The following TMX2 variants were observed in gnomAD, a reference collection of about 807,000 sequenced individuals.
TMX2 encodes thioredoxin-related transmembrane protein 2.
A neutral mutation model predicts 33.4 loss-of-function variants in TMX2; 20 were observed. The observed-to-expected ratio is 0.60, with a 90% CI of 0.42 to 0.87. TMX2 has a LOEUF of 0.87. TMX2 is among the 40% of genes least tolerant of loss of function. The pLI is 0.00. For missense variants in TMX2, 340 were observed against 370.7 expected (o/e 0.92, Z 0.68); for synonymous variants, 166 against 140.7 (o/e 1.18, Z -1.27).
intron 1 of TMX2, among the ~76,000 whole-genome samples, chr11:57,730,670 G>A (rs2135574348): frequency 6.6e-6 from 1 of 152,082 alleles, no homozygotes; most frequent in Non-Finnish European, 1.5e-5. Context: ...CCCAGGAGGC[G>A]GAGGTTGCAG....
At position 57,713,151 on chromosome 11, in the gene TMX2, C is replaced by G. The variant is rs576859; in HGVS notation, c.189+344C>G. On this transcript the variant is annotated intron_variant, in intron 1 of 7. Coordinates refer to ENST00000278422, the MANE Select transcript of TMX2 (RefSeq NM_015959.4). ...TTACAGTGCCGCTCATTATGTAAAGCCTCCTGAGGAGCCAGTAAGGTAGAC... is the reference window on the plus strand; with the variant it reads ...TTACAGTGCCGCTCATTATGTAAAGGCTCCTGAGGAGCCAGTAAGGTAGAC... 1.6e-3 allele frequency among the ~76,000 whole-genome samples: 246 copies of G among 152,058 alleles called. 1 individual carries two copies. Among genetic ancestry groups the G allele is most frequent in the Admixed American group, 2.6e-3 (40 of 15,290 alleles).
intron 1 of TMX2, among the ~76,000 whole-genome samples, chr11:57,714,652 GATGTGATC>G (rs2135444173): frequency 1.3e-5 from 2 of 152,206 alleles, no homozygotes; most frequent in East Asian, 3.9e-4. Flanking sequence ...GGAGTGCAGT[GATGTGATC>G]ATGGCTCACT....
chr11:57,716,437 G>T (rs1397164936), intron 1 of TMX2, among the ~76,000 whole-genome samples: 25 of 128,206 alleles, frequency 1.9e-4, no homozygotes, highest in Middle Eastern at 4.7e-3. Flanking sequence ...TGGCCGGGCG[G>T]GGGGCTGACC....
At chr11:57,718,689 T>C (rs1947346840) in intron 1 of TMX2, among the ~76,000 whole-genome samples, 1 of 135,082 alleles carries the variant, frequency 7.4e-6, no homozygotes, top group Admixed American at 7.9e-5. Flanking sequence ...GGAGTCTCAC[T>C]CTGTTGCCCA....
chr11:57,718,486 G>A (rs1395405859), intron 1 of TMX2: 1 of 885,936 alleles, frequency 1.1e-6, no homozygotes, highest in Non-Finnish European at 1.9e-6. Context: ...TGCGGCCCAG[G>A]GGCTCACCAT....
At chr11:57,728,121 A>G (rs764390080) in intron 1 of TMX2, among the ~76,000 whole-genome samples, 1 of 151,980 alleles carries the variant, frequency 6.6e-6, no homozygotes, top group Non-Finnish European at 1.5e-5. Context: ...ATGGTCACTC[A>G]TATTTGGCTC....
At chr11:57,718,343 A>G (rs1947316844) in intron 1 of TMX2, 1 of 1,537,706 alleles carries the variant, frequency 6.5e-7, no homozygotes, top group Non-Finnish European at 9.0e-7. Context: ...TGAAGTCACC[A>G]CCTGATACAT....
At chr11:57,731,282 C>T (rs1031045669) in intron 1 of TMX2, among the ~76,000 whole-genome samples, 6 of 151,076 alleles carry the variant, frequency 4.0e-5, no homozygotes, top group African/African-American at 9.7e-5. Context: ...TACAAGCATG[C>T]GCCACTGCAC....
intron 1 of TMX2, among the ~76,000 whole-genome samples, chr11:57,728,887 T>G (rs1404723544): frequency 1.3e-5 from 2 of 151,514 alleles, no homozygotes; most frequent in Non-Finnish European, 2.9e-5. Context: ...TAGGGATTAA[T>G]CCCCAAAAAC....
intron 1 of TMX2, among the ~76,000 whole-genome samples, chr11:57,720,675 G>A (rs1357223009): frequency 1.3e-5 from 2 of 152,244 alleles, no homozygotes; most frequent in African/African-American, 4.8e-5. Context: ...TGGGATTACA[G>A]GCGTGAGCCA....
chr11:57,739,491 C>G (rs1028669301), intron 7 of TMX2, among the ~76,000 whole-genome samples: 19 of 152,170 alleles, frequency 1.2e-4, no homozygotes, highest in African/African-American at 4.6e-4. Context: ...GGCACGGTGG[C>G]TCACGCCTGT....
intron 1 of TMX2, among the ~76,000 whole-genome samples, chr11:57,716,882 C>T (rs865854648): frequency 7.9e-5 from 12 of 151,128 alleles, no homozygotes; most frequent in Middle Eastern, 6.8e-3. Context: ...GGCTGCCGGG[C>T]GGAGACGCTC....
In TMX2 at chr11:57,740,105, G is replaced by A; in HGVS notation, c.751G>A (p.Val251Met). ...GTGCATCTCTTTTGTGCAGGAGAAT[G>A]TGATCCGAGAATTTAACTTAAATGA... ...AVSWTFSEEN[V>M]IREFNLNELY... The change falls in exon 8 of 8, where the codon GTG becomes ATG. Residue 251 changes from valine (V) to methionine (M), a missense_variant. Around this residue, in one of 3 missense-constraint regions of TMX2, gnomAD observed 209 missense variants for 241.6 expected, o/e 0.87. Transcript: ENST00000278422. 6.2e-7 allele frequency: 1 copy of A among 1,613,940 alleles called. No individual in the cohort carries two copies. Among genetic ancestry groups the A allele is most frequent in the Non-Finnish European group, 8.5e-7 (1 of 1,179,878 alleles).
intron 1 of TMX2, among the ~76,000 whole-genome samples, chr11:57,714,593 G>T (rs1946855279): frequency 6.6e-6 from 1 of 151,902 alleles, no homozygotes; most frequent in Non-Finnish European, 1.5e-5. Flanking sequence ...AGGGTTTTTA[G>T]TTTTTTGGAT....
At chr11:57,720,134 CAAA>C (rs59914635) in intron 1 of TMX2, among the ~76,000 whole-genome samples, 13 of 128,134 alleles carry the variant, frequency 1.0e-4, no homozygotes, top group African/African-American at 1.5e-4. Context: ...ACTAAAAATA[CAAA>C]AAAAAAAAAA....
chr11:57,720,867 A>G (rs1590922477), intron 1 of TMX2, among the ~76,000 whole-genome samples: 1 of 152,298 alleles, frequency 6.6e-6, no homozygotes, highest in East Asian at 1.9e-4. Context: ...CCTTCAGGGG[A>G]TCCAAAACAA....
chr11:57,734,750 C>CA (rs1270263873), intron 1 of TMX2, among the ~76,000 whole-genome samples: 32 of 150,732 alleles, frequency 2.1e-4, no homozygotes, highest in Non-Finnish European at 4.0e-4. Flanking sequence ...TCCTCCATCT[C>CA]AAAAAAAATA....
At chr11:57,738,558 G>A in intron 4 of TMX2, 106 bp from the exon 5 acceptor site, 2 of 1,240,260 alleles carry the variant, frequency 1.6e-6, no homozygotes, top group Non-Finnish European at 2.4e-6. Flanking sequence ...TTCATTATGA[G>A]AGCCGGGGGA....
rs566925244 is a variant in TMX2 at position 57,735,209 on chromosome 11, T to G, written c.190-2399T>G. Reference sequence around the variant, plus strand: ...TCTGTCATGCTCCCTCACCCCTATTTTCTTTTCTTTTTTTTTTGAGACGTT... The same window carrying G: ...TCTGTCATGCTCCCTCACCCCTATTGTCTTTTCTTTTTTTTTTGAGACGTT... On this transcript the variant is annotated intron_variant, in intron 1 of 7. Coordinates refer to ENST00000278422, the MANE Select transcript of TMX2 (RefSeq NM_015959.4). 6.6e-5 allele frequency among the ~76,000 whole-genome samples: 10 copies of G among 152,090 alleles called. No homozygotes were observed. In the South Asian group the frequency reaches 1.9e-3, roughly 28 times the overall value.
Sources: allele counts gnomAD v4.1 joint callset (sites outside exome capture counted in the v4.1 genomes callset), GRCh38; gene constraint gnomAD v4.1.1; regional missense constraint gnomAD v4.1.1; transcripts MANE v1.5; gene names NCBI Gene and HGNC (gene_info 2026-07-23, HGNC 2026-07-21).